The following ADAM8 variants were observed in gnomAD, a reference collection of about 807,000 sequenced individuals.
ADAM8 encodes disintegrin and metalloproteinase domain-containing protein 8.
Under a neutral mutation model 102.4 loss-of-function variants are expected in ADAM8, and 104 were observed. The ratio of observed to expected loss-of-function variants is 1.02; its 90% CI spans 0.87 to 1.20. The LOEUF (loss-of-function observed/expected upper bound fraction) is 1.20, where lower values mean the gene tolerates loss of function less well. Among genes scored for constraint, ADAM8 ranks in the 50% most tolerant of loss-of-function variants. ADAM8 has a pLI of 0.00. For missense variants in ADAM8, 1,132 were observed against 1,159.0 expected, an observed-to-expected ratio of 0.98 and a Z score of 0.34; for synonymous variants, 517 against 485.2, an observed-to-expected ratio of 1.07 and a Z score of -0.86.
chr10:133,262,970 G>A lies in ADAM8; in HGVS notation c.*186C>T, dbSNP rs1244414066. ...CTACACGTGGCCAAGGCGGGGAGAA[G>A]GAATTGGCTGAGGGCGTGGACAGCA... On this transcript the variant is annotated 3_prime_UTR_variant, in exon 23 of 23. Transcript: ENST00000445355. 1.3e-6 allele frequency: 1 copy of A among 746,894 alleles called. No homozygotes were observed. The highest frequency in any genetic ancestry group is 2.1e-5 in the Admixed American group (1 of 47,784). 46.3% of individuals were successfully genotyped at this position (746,894 alleles called of 1,614,324 possible).
At chr10:133,275,153 G>A (rs1846703717) in intron 2 of ADAM8, among the ~76,000 whole-genome samples, 1 of 152,200 alleles carries the variant, frequency 6.6e-6, no homozygotes, top group Non-Finnish European at 1.5e-5. Context: ...ACAGGAAGGT[G>A]TGTCAACTCT....
rs116530086 is a variant in ADAM8 at position 133,268,704 on chromosome 10, G to A, written c.2063+44C>T. The A allele has an allele frequency of 1.1e-3, 1,677 of 1,572,332 alleles. 7 individuals carry two copies. In the African/African-American group the frequency reaches 0.016, roughly 15 times the overall value. On this transcript the variant is annotated intron_variant, in intron 19 of 22. Coordinates refer to ENST00000445355, the MANE Select transcript of ADAM8 (RefSeq NM_001109.5). ...ACTCCTTCCTCTGGCAGCTGAGCACGGGAAGCACTCGCCACCCTCCGTCAC... is the reference window on the plus strand; with the variant it reads ...ACTCCTTCCTCTGGCAGCTGAGCACAGGAAGCACTCGCCACCCTCCGTCAC...
chr10:133,275,415 T>G (rs1478220590), intron 2 of ADAM8, 69 bp downstream of exon 2: 1 of 1,238,462 alleles, frequency 8.1e-7, no homozygotes, highest in Admixed American at 2.3e-5. Context: ...TTCTGTAAGC[T>G]AAAGCTCCTT....
At chr10:133,273,064 G>T (rs1233181199) in intron 6 of ADAM8, 45 bp from the exon 7 acceptor site, 4 of 1,612,124 alleles carry the variant, frequency 2.5e-6, no homozygotes, top group East Asian at 2.2e-5. Flanking sequence ...CCAGCGCCGG[G>T]GCCTGGACCC....
rs1229906953 is a variant in ADAM8, at chr10:133,272,187, C to T, written c.957+6G>A. ...GCCTGGCAAACCCGGGCAGGAGCCC[C>T]CTCACCTGGTTCACAGCCCCTGAGC... On this transcript the variant is annotated splice_donor_region_variant and intron_variant, in intron 10 of 22. Transcript: ENST00000445355. The T allele has an allele frequency of 6.5e-7, 1 of 1,549,942 alleles. No homozygotes were observed. Among genetic ancestry groups the T allele is most frequent in the Admixed American group, 2.0e-5 (1 of 50,990 alleles).
intron 1 of ADAM8, chr10:133,275,839 CGGGTGCCAGT>C: frequency 2.3e-6 from 1 of 428,352 alleles, no homozygotes; most frequent in Non-Finnish European, 4.1e-6. Flanking sequence ...TGGGTGCCAG[CGGGTGCCAGT>C]GACTCCACAG....
In ADAM8 at chr10:133,268,054, C is replaced by G; in HGVS notation, c.2128G>C (p.Val710Leu). Residue 710 changes from valine (V) to leucine (L), a missense_variant, in exon 20 of 23, where the codon GTG becomes CTG. Transcript: ENST00000445355. ...GCTGGAGCCCCGCCCTTGGCCGGCA[C>G]GCGGCTGGCAGCCTGGTGGAACAGG... ...NPLFHQAASR[V>L]PAKGGAPAPS... 7.9e-7 allele frequency: 1 copy of G among 1,266,752 alleles called. No homozygotes were observed. Among genetic ancestry groups the G allele is most frequent in the East Asian group, 3.0e-5 (1 of 33,034 alleles). The allele number at this position is 1,266,752 out of a possible 1,614,324, so 78.5% of individuals were successfully genotyped here.
At chr10:133,272,905 C>T (rs1317005533) in intron 7 of ADAM8, 39 bp from the exon 8 acceptor site, 4 of 1,611,192 alleles carry the variant, frequency 2.5e-6, no homozygotes, top group East Asian at 2.2e-5. Flanking sequence ...CCCACACACC[C>T]CCCATGCCCC....
At position 133,271,633 on chromosome 10, in the gene ADAM8, C is replaced by T. The variant is rs922805540; in HGVS notation, c.1179G>A (p.Ser393=). 14 of 1,554,736 alleles carry T rather than the reference C, an allele frequency of 9.0e-6. No individual in the cohort carries two copies. The highest frequency in any genetic ancestry group is 5.9e-5 in the Admixed American group (3 of 51,174). The part of the protein sequence containing the change: ...YLESFLERPQ[S]VCLANAPDLS... ...GGTCAGGGGCGTTGGCGAGGCACACCGACTGCGGCCGCTCCAAAAAGCTCT... is the reference window on the plus strand; with the variant it reads ...GGTCAGGGGCGTTGGCGAGGCACACTGACTGCGGCCGCTCCAAAAAGCTCT... Residue 393 remains serine (S), a synonymous_variant, in exon 12 of 23, where the codon TCG becomes TCA. Transcript: ENST00000445355.
At chr10:133,264,428 AAC>A (rs1320503959) in intron 21 of ADAM8, among the ~76,000 whole-genome samples, 2 of 152,156 alleles carry the variant, frequency 1.3e-5, no homozygotes, top group Non-Finnish European at 2.9e-5. Flanking sequence ...TAGCTACTAA[AAC>A]ACGTGTTTCT....
intron 22 of ADAM8, 53 bp downstream of exon 22, chr10:133,263,635 G>T (rs1846231945): frequency 6.7e-7 from 1 of 1,483,520 alleles, no homozygotes; most frequent in Non-Finnish European, 9.0e-7. Context: ...CCGTGGGGAG[G>T]CCGTGCCGTC....
chr10:133,274,358 C>G (rs1846663294), intron 2 of ADAM8, 123 bp from the exon 3 acceptor site: 4 of 851,350 alleles, frequency 4.7e-6, no homozygotes, highest in Non-Finnish European at 5.1e-6. Flanking sequence ...CAGGTCAAGG[C>G]TCCATCCTGG....
chr10:133,274,707 A>G (rs1490855867), intron 2 of ADAM8: 1 of 286,610 alleles, frequency 3.5e-6, no homozygotes, highest in Admixed American at 4.9e-5. Context: ...CAGGCAGCAA[A>G]GGAGGTGGGT....
At chr10:133,271,411 T>C in intron 12 of ADAM8, 117 bp downstream of exon 12, 1 of 1,473,944 alleles carries the variant, frequency 6.8e-7, no homozygotes, top group South Asian at 1.3e-5. Flanking sequence ...GTGACCGCTC[T>C]GGACACCCAC....
At chr10:133,276,702 G>C in intron 1 of ADAM8, 70 bp downstream of exon 1, 1 of 1,508,786 alleles carries the variant, frequency 6.6e-7, no homozygotes, top group Non-Finnish European at 8.8e-7. Context: ...CTCGGGGTCC[G>C]CGTCGCGTCC....
At chr10:133,265,649 T>C (rs1846303420) in intron 21 of ADAM8, among the ~76,000 whole-genome samples, 2 of 151,940 alleles carry the variant, frequency 1.3e-5, no homozygotes, top group Admixed American at 1.3e-4. Flanking sequence ...TACAAAAATT[T>C]AGCCAGGCAT....
chr10:133,272,508 G>C lies in ADAM8; in HGVS notation c.783C>G (p.Ser261Arg). Residue 261 changes from serine to arginine, a missense_variant, in exon 9 of 23, where the codon AGC becomes AGG. By Grantham distance (110) the Ser-to-Arg change is moderately radical. Coordinates refer to ENST00000445355, the MANE Select transcript of ADAM8 (RefSeq NM_001109.5). Reference sequence around the variant, plus strand: ...TCTCCAGTGTGACACTGGGGTCGGGGCTGACGTGGAACCTGTCCTGACTAT... The same window carrying C: ...TCTCCAGTGTGACACTGGGGTCGGGCCTGACGTGGAACCTGTCCTGACTAT... ...IWNSQDRFHV[S>R]PDPSVTLENL... 6.2e-7 allele frequency: 1 copy of C among 1,612,256 alleles called. No individual in the cohort carries two copies. The highest frequency in any genetic ancestry group is 1.1e-5 in the South Asian group (1 of 91,068).
chr10:133,272,991 T>C lies in ADAM8; in HGVS notation c.602A>G (p.Tyr201Cys), dbSNP rs1564926464. 1.2e-6 allele frequency: 2 copies of C among 1,612,834 alleles called. No individual in the cohort carries two copies. Among genetic ancestry groups the C allele is most frequent in the Non-Finnish European group, 1.7e-6 (2 of 1,179,894 alleles). The change falls in exon 7 of 23, where the codon TAC becomes TGC. Residue 201 changes from tyrosine to cysteine, a missense_variant. Physicochemically the swap from Tyr to Cys is radical, Grantham distance 194. Coordinates refer to ENST00000445355, the MANE Select transcript of ADAM8 (RefSeq NM_001109.5). ...GDSLPSRETR[Y>C]VELYVVVDNA... is the part of the protein sequence containing the mutation. Reference sequence around the variant, plus strand: ...GTCCACGACCACATACAGCTCCACGTAGCGGGTCTCTCGGGATGGCAGAGA... The same window carrying C: ...GTCCACGACCACATACAGCTCCACGCAGCGGGTCTCTCGGGATGGCAGAGA...
chr10:133,263,344 G>A (rs552503017), intron 22 of ADAM8, 111 bp from the exon 23 acceptor site: 1 of 1,103,886 alleles, frequency 9.1e-7, no homozygotes, highest in Admixed American at 2.8e-5. Context: ...GTGGATTCTT[G>A]GTTCATCCAC....
Sources: allele counts gnomAD v4.1 joint callset (sites outside exome capture counted in the v4.1 genomes callset), GRCh38; gene constraint gnomAD v4.1.1; transcripts MANE v1.5; gene names NCBI Gene and HGNC (gene_info 2026-07-23, HGNC 2026-07-21).